Variants in LMAN2 observed in about 807,000 individuals in gnomAD.
LMAN2 encodes the protein lectin, mannose binding 2.
In LMAN2, 22 loss-of-function variants were observed where a neutral mutation model predicts 39.3. The observed-to-expected ratio is 0.56, with a 90% confidence interval of 0.40 to 0.80. The LOEUF is 0.80. Among genes scored for constraint, LMAN2 ranks in the 30% least tolerant of loss-of-function variants. The pLI, the probability that LMAN2 is intolerant of heterozygous loss-of-function variation, is 0.00. For missense variants in LMAN2, 494 were observed against 505.4 expected (o/e 0.98, Z 0.22); for synonymous variants, 207 against 207.8 (o/e 1.00, Z 0.03).
rs779370128 is a variant in LMAN2 at position 177,337,124 on chromosome 5, C to T, written c.790+12G>A. The T allele has an allele frequency of 3.7e-6, 6 of 1,602,234 alleles. No homozygotes were observed. Among genetic ancestry groups the T allele is most frequent in the East Asian group, 2.2e-5 (1 of 44,826 alleles). ...CTGGGCTGGGAACCAACGCCTGGCCCGGCCCACTCACCAGACAGGTCGCCG... is the reference window on the plus strand; with the variant it reads ...CTGGGCTGGGAACCAACGCCTGGCCTGGCCCACTCACCAGACAGGTCGCCG... On this transcript the variant is annotated intron_variant, in intron 6 of 7. Coordinates refer to ENST00000303127, the MANE Select transcript of LMAN2 (RefSeq NM_006816.3). This position sits in a 1 kb window ranked among gnomAD's most constrained non-coding sequence, Gnocchi z 8.2.
chr5:177,332,774 G>A lies in LMAN2; in HGVS notation c.911-528C>T, dbSNP rs1240160415. ...TCCACACAAGGTTCCCACAGGTCCT[G>A]CCCATCCTGGGATGGGGCCCACTGG... On this transcript the variant is annotated intron_variant, in intron 7 of 7. Transcript: ENST00000303127. This position sits in a 1 kb window ranked among gnomAD's most constrained non-coding sequence, Gnocchi z 6.3. 6.6e-6 allele frequency among the ~76,000 whole-genome samples: 1 copy of A among 152,160 alleles called. No homozygotes were observed. The highest frequency in any genetic ancestry group is 1.5e-5 in the Non-Finnish European group (1 of 68,004).
chr5:177,343,785 G>C (rs1348082019), intron 2 of LMAN2, among the ~76,000 whole-genome samples: 1 of 152,220 alleles, frequency 6.6e-6, no homozygotes. Context: ...CAGGGACTGT[G>C]GGGATGGGAG....
Position 177,337,071 on chromosome 5 carries a change from T to C in LMAN2, c.790+65A>G, listed in dbSNP as rs1761484328. 1 of 1,230,382 alleles carries C rather than the reference T, an allele frequency of 8.1e-7. No individual in the cohort carries two copies. Among genetic ancestry groups the C allele is most frequent in the Admixed American group, 1.8e-5 (1 of 56,690 alleles). 76.2% of individuals were successfully genotyped at this position (1,230,382 alleles called of 1,614,324 possible). ...ACATGAAGGCAGGCAATCAACTGCA[T>C]GGAAAGCTCCCAGTCCCTCAGGGTG... On this transcript the variant is annotated intron_variant, in intron 6 of 7. Coordinates refer to ENST00000303127, the MANE Select transcript of LMAN2 (RefSeq NM_006816.3). The surrounding 1 kb of genome is among the most constrained non-coding windows in gnomAD (Gnocchi z 8.2).
intron 2 of LMAN2, among the ~76,000 whole-genome samples, chr5:177,341,266 A>G (rs1450006079): frequency 2.0e-5 from 3 of 150,494 alleles, no homozygotes; most frequent in African/African-American, 7.4e-5. Context: ...GGGTTTCTCC[A>G]TGTTGGTCAG....
In LMAN2 at chr5:177,337,278, C is replaced by A. The variant is rs62397248; in HGVS notation, c.676-28G>T. ...GCAGGGCCCAGCACGCTAAGCACCT[C>A]GCAGGACAGCAGCCTGCCCTCCTGA... is the stretch of plus-strand genomic sequence containing the variant. On this transcript the variant is annotated intron_variant, in intron 5 of 7. Transcript: ENST00000303127. The surrounding 1 kb of genome is among the most constrained non-coding windows in gnomAD (Gnocchi z 8.2). 1.2e-5 allele frequency: 20 copies of A among 1,613,056 alleles called. No individual in the cohort carries two copies. Among genetic ancestry groups the A allele is most frequent in the Non-Finnish European group, 1.7e-5 (20 of 1,179,658 alleles).
intron 2 of LMAN2, among the ~76,000 whole-genome samples, chr5:177,348,123 G>A (rs1418951500): frequency 1.3e-5 from 2 of 152,024 alleles, no homozygotes; most frequent in African/African-American, 4.8e-5. Context: ...ATCCTACTGA[G>A]ATCTCATGTT....
At chr5:177,336,347 C>T (rs1761469575) in intron 6 of LMAN2, among the ~76,000 whole-genome samples, 1 of 152,176 alleles carries the variant, frequency 6.6e-6, no homozygotes, top group Admixed American at 6.5e-5. Context: ...GGCACAGAGG[C>T]CCTGGCGCCC....
intron 2 of LMAN2, among the ~76,000 whole-genome samples, chr5:177,345,508 T>C (rs1761620293): frequency 6.6e-6 from 1 of 152,016 alleles, no homozygotes; most frequent in Admixed American, 6.5e-5. Context: ...CCTAGTAATA[T>C]ACCATTTATA....
chr5:177,337,250 C>T lies in LMAN2; in HGVS notation c.676G>A (p.Val226Met), dbSNP rs373211219. 2.1e-5 allele frequency: 34 copies of T among 1,613,980 alleles called. No individual in the cohort carries two copies. The highest frequency in any genetic ancestry group is 2.8e-5 in the Non-Finnish European group (33 of 1,179,944). Residue 226 changes from valine (V) to methionine (M), a missense_variant and splice_region_variant, in exon 6 of 8, where the codon GTG (valine) becomes ATG (methionine). Coordinates refer to ENST00000303127, the MANE Select transcript of LMAN2 (RefSeq NM_006816.3). The surrounding 1 kb of genome is among the most constrained non-coding windows in gnomAD (Gnocchi z 8.2). ...AVRYSRGRLTVMTDLEDKNEW... is the reference protein window; with the variant it reads ...AVRYSRGRLTMMTDLEDKNEW... ...TTCTTGTCCTCCAGGTCGGTCATCA[C>T]CTGCAGGGCCCAGCACGCTAAGCAC... is the stretch of plus-strand genomic sequence containing the variant.
At chr5:177,343,345 T>G (rs930176225) in intron 2 of LMAN2, among the ~76,000 whole-genome samples, 2 of 152,200 alleles carry the variant, frequency 1.3e-5, no homozygotes. Context: ...ATGGTGCAGT[T>G]GCTACAGAAA....
intron 2 of LMAN2, 93 bp from the exon 3 acceptor site, chr5:177,338,698 C>T (rs1761511529): frequency 1.0e-6 from 1 of 970,036 alleles, no homozygotes; most frequent in East Asian, 2.4e-5. Context: ...CCACAGACCT[C>T]TCTTCTCTCC....
At chr5:177,340,231 G>C (rs1561605157) in intron 2 of LMAN2, among the ~76,000 whole-genome samples, 1 of 151,984 alleles carries the variant, frequency 6.6e-6, no homozygotes, top group Non-Finnish European at 1.5e-5. Context: ...CAACAAAAAA[G>C]TTTTTTTTAA....
At chr5:177,348,602 C>T (rs1456193563) in intron 2 of LMAN2, among the ~76,000 whole-genome samples, 1 of 146,702 alleles carries the variant, frequency 6.8e-6, no homozygotes, top group Non-Finnish European at 1.5e-5. Flanking sequence ...GCAGAAGAAT[C>T]GCTTGAACTC....
chr5:177,342,976 G>A (rs1267024608), intron 2 of LMAN2, among the ~76,000 whole-genome samples: 2 of 152,042 alleles, frequency 1.3e-5, no homozygotes, highest in African/African-American at 2.4e-5. Context: ...ACCCTAGGCC[G>A]GGCGCGGTGG....
At chr5:177,346,449 T>G (rs982610861) in intron 2 of LMAN2, 1 of 366,046 alleles carries the variant, frequency 2.7e-6, no homozygotes, top group Non-Finnish European at 4.6e-6. Flanking sequence ...AATAAATTGA[T>G]TACCGGTTGT....
At chr5:177,348,248 TCAA>T (rs1761665679) in intron 2 of LMAN2, among the ~76,000 whole-genome samples, 1 of 152,208 alleles carries the variant, frequency 6.6e-6, no homozygotes, top group South Asian at 2.1e-4. Flanking sequence ...AGTTTCAGTC[TCAA>T]CAAAATTGAA....
At chr5:177,350,046 T>C (rs182727594) in intron 2 of LMAN2, among the ~76,000 whole-genome samples, 70 of 152,300 alleles carry the variant, frequency 4.6e-4, no homozygotes, top group African/African-American at 1.6e-3. Flanking sequence ...GCAGACATAA[T>C]GCATGCTTAC....
At chr5:177,349,951 G>C (rs1483416849) in intron 2 of LMAN2, among the ~76,000 whole-genome samples, 1 of 152,178 alleles carries the variant, frequency 6.6e-6, no homozygotes, top group Non-Finnish European at 1.5e-5. Flanking sequence ...CAGGTGCAAA[G>C]GTCCTGAGGC....
At position 177,337,211 on chromosome 5, in the gene LMAN2, A is replaced by C; in HGVS notation, c.715T>G (p.Cys239Gly). ...AGGCGCACTCCCGTGATGTCAATGC[A>C]GTTCTTCCACTCGTTCTTGTCCTCC... ...DLEDKNEWKN[C>G]IDITGVRLPT... The change falls in exon 6 of 8, where the codon TGC becomes GGC. Residue 239 changes from cysteine to glycine, a missense_variant. Coordinates refer to ENST00000303127, the MANE Select transcript of LMAN2 (RefSeq NM_006816.3). This position sits in a 1 kb window ranked among gnomAD's most constrained non-coding sequence, Gnocchi z 8.2. 1.2e-6 allele frequency: 2 copies of C among 1,614,072 alleles called. No homozygotes were observed. Among genetic ancestry groups the C allele is most frequent in the Non-Finnish European group, 1.7e-6 (2 of 1,179,968 alleles).
Sources: allele counts gnomAD v4.1 joint callset (sites outside exome capture counted in the v4.1 genomes callset), GRCh38; gene constraint gnomAD v4.1.1; non-coding constraint Gnocchi (gnomAD v3.1); transcripts MANE v1.5; gene names NCBI Gene and HGNC (gene_info 2026-07-23, HGNC 2026-07-21).